Variants in APBB2 observed in about 807,000 individuals in gnomAD.
APBB2 encodes the protein Fe65-like 1.
In APBB2, 38 loss-of-function variants were observed where a neutral mutation model predicts 82.5. That is an observed-to-expected ratio of 0.46 (90% CI 0.36 to 0.60). The LOEUF is 0.60. Among genes scored for constraint, APBB2 ranks in the 20% least tolerant of loss-of-function variants. The pLI, the probability that APBB2 is intolerant of heterozygous loss-of-function variation, is 0.00. For missense variants in APBB2, 772 were observed against 972.3 expected, an observed-to-expected ratio of 0.79 and a Z score of 2.74; for synonymous variants, 341 against 368.2, an observed-to-expected ratio of 0.93 and a Z score of 0.85.
chr4:40,863,879 G>A (rs1349802786), intron 12 of APBB2, among the ~76,000 whole-genome samples: 1 of 125,328 alleles, frequency 8.0e-6, no homozygotes, highest in Non-Finnish European at 1.7e-5. Flanking sequence ...GGGTGACAGA[G>A]GGAGACTGTC....
intron 12 of APBB2, among the ~76,000 whole-genome samples, chr4:40,863,705 C>A (rs528896834): frequency 6.6e-6 from 1 of 151,690 alleles, no homozygotes; most frequent in South Asian, 2.1e-4. Flanking sequence ...CCAGCCTGGC[C>A]AACATGGTGA....
At chr4:40,932,002 A>G (rs1297298057) in intron 10 of APBB2, among the ~76,000 whole-genome samples, 2 of 152,214 alleles carry the variant, frequency 1.3e-5, no homozygotes, top group Non-Finnish European at 1.5e-5. Context: ...CATGCTGGCA[A>G]TAAAAAGGTG....
chr4:40,936,651 C>A (rs1298468437), intron 7 of APBB2, among the ~76,000 whole-genome samples: 1 of 152,206 alleles, frequency 6.6e-6, no homozygotes, highest in Non-Finnish European at 1.5e-5. Context: ...GTGTCATTTT[C>A]ATTTTTGGTC....
At chr4:40,918,982 T>C (rs1161638243) in intron 10 of APBB2, among the ~76,000 whole-genome samples, 3 of 152,076 alleles carry the variant, frequency 2.0e-5, no homozygotes, top group Non-Finnish European at 2.9e-5. Flanking sequence ...TTAGCTAGTA[T>C]AAAACCCCTG....
intron 1 of APBB2, among the ~76,000 whole-genome samples, chr4:41,204,796 G>A (rs1777538174): frequency 6.6e-6 from 1 of 152,192 alleles, no homozygotes; most frequent in Non-Finnish European, 1.5e-5. Context: ...TCTCATTCAG[G>A]GGAGAGATGA....
intron 3 of APBB2, among the ~76,000 whole-genome samples, chr4:41,075,117 G>A (rs978482373): frequency 2.0e-5 from 3 of 152,166 alleles, no homozygotes; most frequent in African/African-American, 7.2e-5. Context: ...TGGGCAACAA[G>A]AGTGACACTC....
At chr4:41,106,540 T>C (rs1258088837) in intron 2 of APBB2, among the ~76,000 whole-genome samples, 1 of 152,128 alleles carries the variant, frequency 6.6e-6, no homozygotes, top group Non-Finnish European at 1.5e-5. Context: ...ACAGTGGCGC[T>C]ACCTCAGCTC....
intron 11 of APBB2, 71 bp from the exon 12 acceptor site, chr4:40,890,562 C>A: frequency 6.4e-7 from 1 of 1,573,380 alleles, no homozygotes. Flanking sequence ...GTGTGGCCAT[C>A]TAGGAATGCC....
chr4:40,888,850 T>A (rs1560802256), intron 12 of APBB2, among the ~76,000 whole-genome samples: 2 of 152,260 alleles, frequency 1.3e-5, no homozygotes, highest in African/African-American at 2.4e-5. Context: ...ACGTATGTAA[T>A]GTCACAAGCT....
chr4:41,066,603 G>C (rs537078483), intron 3 of APBB2, among the ~76,000 whole-genome samples: 1 of 152,296 alleles, frequency 6.6e-6, no homozygotes, highest in Admixed American at 6.5e-5. Context: ...CCAAGAAAAG[G>C]GGATGCCTAG....
At chr4:40,946,464 G>A (rs1487641579) in intron 6 of APBB2, among the ~76,000 whole-genome samples, 4 of 152,062 alleles carry the variant, frequency 2.6e-5, no homozygotes, top group African/African-American at 7.2e-5. Context: ...AATAAAATAC[G>A]TCTACTAGAC....
intron 6 of APBB2, among the ~76,000 whole-genome samples, chr4:40,972,633 G>GC (rs1796247778): frequency 6.6e-6 from 1 of 151,968 alleles, no homozygotes. Flanking sequence ...ATTGAACTAG[G>GC]TGTTAGAAGT....
chr4:40,900,320 G>C (rs1774905216), intron 10 of APBB2, among the ~76,000 whole-genome samples: 1 of 152,178 alleles, frequency 6.6e-6, no homozygotes, highest in East Asian at 1.9e-4. Flanking sequence ...TTACCTGAGA[G>C]TATCTGAGAG....
chr4:40,826,869 G>GAA lies in APBB2; in HGVS notation c.1732+261_1732+262dup, dbSNP rs1750127590. 1 of 365,144 alleles carries GAA rather than the reference G, an allele frequency of 2.7e-6. No homozygotes were observed. Among genetic ancestry groups the GAA allele is most frequent in the African/African-American group, 2.1e-5 (1 of 47,474 alleles). 22.6% of individuals were successfully genotyped at this position (365,144 alleles called of 1,614,324 possible). ...AAGAACATAAAATACAAAACAAAATGAAAACGAAGGCAAAAACTAAAGACA... is the reference window on the plus strand; with the variant it reads ...AAGAACATAAAATACAAAACAAAATGAAAAAACGAAGGCAAAAACTAAAGACA... On this transcript the variant is annotated intron_variant, in intron 14 of 17. Transcript: ENST00000508593. This position sits in a 1 kb window ranked among gnomAD's most constrained non-coding sequence, Gnocchi z 4.5.
chr4:40,811,531 C>T lies in APBB2; in HGVS notation c.*4561G>A, dbSNP rs1560573654. The stretch of plus-strand genomic sequence containing the variant: ...TACACCACTGCACTCCAGAGTAAGA[C>T]TCCTCTGTCTGAAGAAAAAAAAAAA... On this transcript the variant is annotated 3_prime_UTR_variant, in exon 18 of 18. Transcript: ENST00000508593. The T allele has an allele frequency of 3.5e-5, 1 of 28,854 alleles. No individual in the cohort carries two copies. Among genetic ancestry groups the T allele is most frequent in the Admixed American group, 4.1e-4 (1 of 2,420 alleles). 1.8% of individuals were successfully genotyped at this position (28,854 alleles called of 1,614,324 possible).
chr4:40,935,348 C>T (rs925354107), intron 7 of APBB2: 4 of 500,640 alleles, frequency 8.0e-6, no homozygotes, highest in African/African-American at 6.0e-5. Flanking sequence ...AGTGATGGTG[C>T]TTTAATTACT....
At chr4:40,964,775 C>CACACACACACACACACACACACAA (rs1170561072) in intron 6 of APBB2, among the ~76,000 whole-genome samples, 1 of 151,790 alleles carries the variant, frequency 6.6e-6, no homozygotes. Flanking sequence ...CACACACACA[C>CACACACACACACACACACACACAA]AACAATGCAC....
At chr4:41,148,130 A>G (rs990131956) in intron 1 of APBB2, among the ~76,000 whole-genome samples, 7 of 152,234 alleles carry the variant, frequency 4.6e-5, no homozygotes, top group African/African-American at 1.7e-4. Flanking sequence ...AAGAACTACT[A>G]TGAAAACCGA....
chr4:41,028,075 T>C (rs1339829440), intron 5 of APBB2, among the ~76,000 whole-genome samples: 1 of 152,236 alleles, frequency 6.6e-6, no homozygotes, highest in Non-Finnish European at 1.5e-5. Context: ...TGTTTCCTCC[T>C]TTTCTGTTAA....
Sources: allele counts gnomAD v4.1 joint callset (sites outside exome capture counted in the v4.1 genomes callset), GRCh38; gene constraint gnomAD v4.1.1; non-coding constraint Gnocchi (gnomAD v3.1); transcripts MANE v1.5; gene names NCBI Gene and HGNC (gene_info 2026-07-23, HGNC 2026-07-21).